Variants in FER1L6 observed in about 807,000 individuals in gnomAD.
The protein encoded by FER1L6 is fer-1-like protein 6.
A neutral mutation model predicts 219.2 loss-of-function variants in FER1L6; 177 were observed. The observed-to-expected ratio is 0.81, with a 90% CI of 0.71 to 0.91. FER1L6 has a LOEUF of 0.91. Ranked by LOEUF, FER1L6 falls within the 40% of genes least tolerant of loss-of-function variation. The pLI is 0.00. For missense variants in FER1L6, 2,153 were observed against 2,259.9 expected (o/e 0.95, Z 0.96); for synonymous variants, 768 against 824.3 (o/e 0.93, Z 1.17).
At chr8:123,949,320 A>T (rs118140726) in intron 1 of FER1L6, among the ~76,000 whole-genome samples, 9 of 152,222 alleles carry the variant, frequency 5.9e-5, no homozygotes, top group Non-Finnish European at 1.2e-4. Flanking sequence ...TTAACATAGC[A>T]CCCATTCTCC....
chr8:123,886,521 C>G (rs951343975), intron 1 of FER1L6, among the ~76,000 whole-genome samples: 1 of 152,142 alleles, frequency 6.6e-6, no homozygotes, highest in Non-Finnish European at 1.5e-5. Flanking sequence ...GAGTAGATAC[C>G]AGCCTTATGC....
chr8:123,969,685 A>G (rs1310800722), intron 5 of FER1L6, among the ~76,000 whole-genome samples: 1 of 151,914 alleles, frequency 6.6e-6, no homozygotes, highest in Non-Finnish European at 1.5e-5. Context: ...ACATAGTGAG[A>G]ACCTGTCTCT....
rs1216156297 is a variant in FER1L6 at position 124,060,590 on chromosome 8, C to T, written c.3028C>T (p.Leu1010Phe). The T allele has an allele frequency of 1.2e-6, 2 of 1,614,086 alleles. No homozygotes were observed. Among genetic ancestry groups the T allele is most frequent in the Middle Eastern group, 3.3e-4 (2 of 6,062 alleles). Residue 1010 changes from leucine to phenylalanine, a missense_variant, in exon 24 of 41, where the codon CTC (leucine) becomes TTC (phenylalanine). By Grantham distance (22) the Leu-to-Phe change is conservative. Coordinates refer to ENST00000522917, the MANE Select transcript of FER1L6 (RefSeq NM_001039112.2). ...TCGGGAAATGAAGAAGGTGCAGCTC[C>T]TCTCTGTGGATCGGCCTCAGGCTCT... ...GVREMKKVQL[L>F]SVDRPQALIE...
In FER1L6 at chr8:123,853,592, T is replaced by C. The variant is rs1239005022; in HGVS notation, c.-8+1407T>C. ...GGGGTATTGTATTAATCAGGGGAGA[T>C]TTTACAAGGGTGGATGAGTAGAGAA... On this transcript the variant is annotated intron_variant, in intron 1 of 40. Transcript: ENST00000522917. The surrounding 1 kb of genome is among the most constrained non-coding windows in gnomAD (Gnocchi z 6.6). 2.6e-5 allele frequency among the ~76,000 whole-genome samples: 4 copies of C among 151,980 alleles called. No individual in the cohort carries two copies. Among genetic ancestry groups the C allele is most frequent in the Non-Finnish European group, 5.9e-5 (4 of 67,990 alleles).
intron 1 of FER1L6, among the ~76,000 whole-genome samples, chr8:123,916,613 AAG>A (rs932511381): frequency 6.6e-6 from 1 of 152,208 alleles, no homozygotes; most frequent in African/African-American, 2.4e-5. Context: ...GCTTTGAGTG[AAG>A]AGAGAACAAA....
intron 1 of FER1L6, among the ~76,000 whole-genome samples, chr8:123,887,125 G>A (rs1281816759): frequency 6.6e-6 from 1 of 152,078 alleles, no homozygotes; most frequent in African/African-American, 2.4e-5. Flanking sequence ...CTGTTTTCCT[G>A]TACATAGTTA....
At chr8:124,103,442 A>AG (rs1485757535) in intron 39 of FER1L6, 133 bp downstream of exon 39, 3 of 820,082 alleles carry the variant, frequency 3.7e-6, no homozygotes, top group Non-Finnish European at 5.7e-6. Context: ...GGTTCTGCTA[A>AG]GAAGCAAGAA....
At chr8:123,907,133 T>C (rs1418586973) in intron 1 of FER1L6, among the ~76,000 whole-genome samples, 1 of 152,228 alleles carries the variant, frequency 6.6e-6, no homozygotes, top group Non-Finnish European at 1.5e-5. Flanking sequence ...AGTCCCTAGA[T>C]GACTGTACTA....
chr8:123,928,265 C>A (rs952486697), intron 1 of FER1L6, among the ~76,000 whole-genome samples: 3 of 152,032 alleles, frequency 2.0e-5, no homozygotes, highest in African/African-American at 7.2e-5. Context: ...TAGAATGGAC[C>A]TTTGTTTTTC....
At chr8:124,079,386 T>C (rs1821435034) in intron 32 of FER1L6, among the ~76,000 whole-genome samples, 1 of 152,244 alleles carries the variant, frequency 6.6e-6, no homozygotes, top group Non-Finnish European at 1.5e-5. Flanking sequence ...CTTTTTCTAC[T>C]GGTTAAAGCC....
intron 5 of FER1L6, among the ~76,000 whole-genome samples, chr8:123,966,520 A>G (rs1815548884): frequency 1.3e-5 from 2 of 152,214 alleles, no homozygotes; most frequent in Admixed American, 6.5e-5. Context: ...ATTCACTGCT[A>G]CGTTTTCAAC....
At chr8:124,090,901 G>A (rs1475468317) in intron 33 of FER1L6, among the ~76,000 whole-genome samples, 1 of 152,142 alleles carries the variant, frequency 6.6e-6, no homozygotes, top group African/African-American at 2.4e-5. Flanking sequence ...GGAATAAGCA[G>A]CAGCCGAGTG....
chr8:123,972,214 A>T (rs1815853029), intron 6 of FER1L6, among the ~76,000 whole-genome samples: 1 of 152,276 alleles, frequency 6.6e-6, no homozygotes, highest in African/African-American at 2.4e-5. Flanking sequence ...AGGGAGAGAG[A>T]GTGGAAAGAG....
At chr8:124,060,069 A>G (rs1820487188) in intron 22 of FER1L6, 111 bp from the exon 23 acceptor site, 5 of 759,714 alleles carry the variant, frequency 6.6e-6, no homozygotes, top group Admixed American at 2.1e-5. Flanking sequence ...AGCTGGAAAC[A>G]TTACTTTTGT....
intron 6 of FER1L6, among the ~76,000 whole-genome samples, chr8:123,973,063 C>T (rs139522189): frequency 2.0e-5 from 3 of 152,178 alleles, no homozygotes; most frequent in South Asian, 4.2e-4. Context: ...AGGAGTTTAG[C>T]GGAGAAAAGG....
intron 15 of FER1L6, among the ~76,000 whole-genome samples, chr8:124,015,607 A>ACATATATATG (rs1818162828): frequency 6.8e-5 from 6 of 88,606 alleles, no homozygotes; most frequent in Non-Finnish European, 1.1e-4. Context: ...ATATATATAT[A>ACATATATATG]TATATATATT....
rs374431544 is a variant in FER1L6 at position 123,871,317 on chromosome 8, T to A, written c.-8+19132T>A. 6.6e-5 allele frequency among the ~76,000 whole-genome samples: 10 copies of A among 152,282 alleles called. No homozygotes were observed. The East Asian group carries it at 1.9e-3, about 29-fold the overall frequency. ...GTAACAAACACACCTGGCACTCAGATCTTGGTTTCTAACACCATTCTTCAA... is the reference window on the plus strand; with the variant it reads ...GTAACAAACACACCTGGCACTCAGAACTTGGTTTCTAACACCATTCTTCAA... On this transcript the variant is annotated intron_variant, in intron 1 of 40. Coordinates refer to ENST00000522917, the MANE Select transcript of FER1L6 (RefSeq NM_001039112.2).
intron 1 of FER1L6, among the ~76,000 whole-genome samples, chr8:123,929,839 T>A (rs1813701002): frequency 6.6e-6 from 1 of 152,158 alleles, no homozygotes; most frequent in Non-Finnish European, 1.5e-5. Flanking sequence ...GGCTGTAGCA[T>A]TCTAAGAGAC....
Position 124,111,711 on chromosome 8 carries a change from G to A in FER1L6, c.5290-7133G>A, listed in dbSNP as rs566026800. On this transcript the variant is annotated intron_variant, in intron 39 of 40. Transcript: ENST00000522917. This position sits in a 1 kb window ranked among gnomAD's most constrained non-coding sequence, Gnocchi z 5.0. Reference sequence around the variant, plus strand: ...TTTGTAAACTATCATGGCACTCGCCGGTGGGAGTGTAGCAGTGAGGATGAC... The same window carrying A: ...TTTGTAAACTATCATGGCACTCGCCAGTGGGAGTGTAGCAGTGAGGATGAC... Among the ~76,000 whole-genome samples the A allele has an allele frequency of 1.1e-4, 16 of 152,268 alleles. No individual in the cohort carries two copies. In the South Asian group the frequency reaches 2.5e-3, roughly 24 times the overall value.
Sources: allele counts gnomAD v4.1 joint callset (sites outside exome capture counted in the v4.1 genomes callset), GRCh38; gene constraint gnomAD v4.1.1; non-coding constraint Gnocchi (gnomAD v3.1); transcripts MANE v1.5; gene names NCBI Gene and HGNC (gene_info 2026-07-23, HGNC 2026-07-21).